Variants in ASPSCR1 observed in about 807,000 individuals in gnomAD.
ASPSCR1 encodes ASPSCR1 tether for SLC2A4, UBX domain containing, also known as tether containing UBX domain for GLUT4.
ASPSCR1 carries 55 observed loss-of-function variants against 68.9 expected under a neutral mutation model. The observed-to-expected ratio is 0.80, with a 90% CI of 0.64 to 1.00. The LOEUF (loss-of-function observed/expected upper bound fraction) is 1.00. Among genes scored for constraint, ASPSCR1 ranks in the 50% least tolerant of loss-of-function variants. The pLI is 0.00. For synonymous variants in ASPSCR1, 352 were observed against 332.6 expected (o/e 1.06, Z -0.63); for missense variants, 765 against 762.2 (o/e 1.00, Z -0.04).
Position 81,986,133 on chromosome 17 carries a change from C to T in ASPSCR1, c.374+526C>T, listed in dbSNP as rs2041985669. On this transcript the variant is annotated intron_variant, in intron 4 of 15. Coordinates refer to ENST00000306739, the MANE Select transcript of ASPSCR1 (RefSeq NM_024083.4). This position sits in a 1 kb window ranked among gnomAD's most constrained non-coding sequence, Gnocchi z 5.2. ...AATCTTCCTAATAGTAATTGGATGG[C>T]TGGGCACAGTGGCTGGGCACAGTGG... Among the ~76,000 whole-genome samples the T allele has an allele frequency of 6.6e-6, 1 of 151,030 alleles. No homozygotes were observed. The highest frequency in any genetic ancestry group is 1.5e-5 in the Non-Finnish European group (1 of 67,786).
chr17:82,000,440 C>G (rs538128259), intron 7 of ASPSCR1, among the ~76,000 whole-genome samples: 1 of 152,166 alleles, frequency 6.6e-6, no homozygotes, highest in African/African-American at 2.4e-5. Flanking sequence ...CTGCCTGCCC[C>G]GCGCCTCCCA....
At chr17:82,010,338 G>T (rs1030790948) in intron 9 of ASPSCR1, among the ~76,000 whole-genome samples, 18 of 151,316 alleles carry the variant, frequency 1.2e-4, no homozygotes, top group East Asian at 4.0e-4. Flanking sequence ...GACCATCCTG[G>T]CTGACACGGT....
At chr17:81,989,063 C>T (rs1002665978) in intron 4 of ASPSCR1, among the ~76,000 whole-genome samples, 1 of 152,136 alleles carries the variant, frequency 6.6e-6, no homozygotes. Flanking sequence ...CAAAAAGCAG[C>T]TGGGTGTGGT....
At position 81,986,173 on chromosome 17, in the gene ASPSCR1, T is replaced by C. The variant is rs1405972243; in HGVS notation, c.374+566T>C. ...GGGCACAGTGGCTGGGCAAAGTGGCTTGCACTTTGGAAGGCCGAGGCTGGC... is the reference window on the plus strand; with the variant it reads ...GGGCACAGTGGCTGGGCAAAGTGGCCTGCACTTTGGAAGGCCGAGGCTGGC... On this transcript the variant is annotated intron_variant, in intron 4 of 15. Coordinates refer to ENST00000306739, the MANE Select transcript of ASPSCR1 (RefSeq NM_024083.4). This position sits in a 1 kb window ranked among gnomAD's most constrained non-coding sequence, Gnocchi z 5.2. 6.6e-6 allele frequency among the ~76,000 whole-genome samples: 1 copy of C among 152,108 alleles called. No homozygotes were observed. Among genetic ancestry groups the C allele is most frequent in the African/African-American group, 2.4e-5 (1 of 41,426 alleles).
intron 5 of ASPSCR1, among the ~76,000 whole-genome samples, 180 bp from the exon 6 acceptor site, chr17:81,995,812 G>A (rs1010915904): frequency 6.6e-6 from 1 of 152,206 alleles, no homozygotes; most frequent in African/African-American, 2.4e-5. Context: ...CTGCAGACCA[G>A]ACTCAAGCTG....
rs1159581082 is a variant in ASPSCR1 at position 81,995,916 on chromosome 17, G to A, written c.433-76G>A. 2.1e-6 allele frequency: 3 copies of A among 1,444,726 alleles called. No individual in the cohort carries two copies. The East Asian group carries it at 7.1e-5, about 34-fold the overall frequency. The allele number at this position is 1,444,726 out of a possible 1,614,324, so 89.5% of individuals were successfully genotyped here. A position where few individuals can be genotyped will look rare whatever the true frequency, so the allele number is the denominator to read the frequency against. ...GCACGTGGCCTGTGGTCCTGGTGGT[G>A]CCGGTGCCCGGAGGGCTTCCCTGGG... On this transcript the variant is annotated intron_variant, in intron 5 of 15. Coordinates refer to ENST00000306739, the MANE Select transcript of ASPSCR1 (RefSeq NM_024083.4).
chr17:81,995,057 G>A (rs2042292655), intron 5 of ASPSCR1, 179 bp downstream of exon 5: 9 of 616,844 alleles, frequency 1.5e-5, no homozygotes, highest in Non-Finnish European at 2.4e-5. Context: ...GGGCTGCCCC[G>A]AAACCTCCCT....
rs139415779 is a variant in ASPSCR1, at chr17:82,007,098, G to A, written c.934-1939G>A. On this transcript the variant is annotated intron_variant, in intron 7 of 15. Transcript: ENST00000306739. ...CCTACTGCAGACGCCATATGTTCTCGGGGTGACTCAGGTGGCCTGGGCCCT... is the reference window on the plus strand; with the variant it reads ...CCTACTGCAGACGCCATATGTTCTCAGGGTGACTCAGGTGGCCTGGGCCCT... The A allele has an allele frequency of 4.4e-3, 673 of 152,400 alleles. 5 individuals are homozygous for A. The highest frequency in any genetic ancestry group is 6.9e-3 in the Non-Finnish European group (469 of 68,068). 9.4% of individuals were successfully genotyped at this position (152,400 alleles called of 1,614,324 possible).
Position 82,011,546 on chromosome 17 carries a change from G to C in ASPSCR1, c.1241G>C (p.Gly414Ala), listed in dbSNP as rs2042943886. The part of the protein sequence containing the change: ...QGFFRPSETV[G>A]DLRDFVRSHL... Reference sequence around the variant, plus strand: ...ATGTTCTTTTTCTCCTCTGCAGTGGGGGACTTGCGAGACTTCGTGAGGAGC... The same window carrying C: ...ATGTTCTTTTTCTCCTCTGCAGTGGCGGACTTGCGAGACTTCGTGAGGAGC... The change falls in exon 11 of 16, where the codon GGG becomes GCG. Residue 414 changes from glycine to alanine, a missense_variant. Transcript: ENST00000306739. 2 of 1,582,718 alleles carry C rather than the reference G, an allele frequency of 1.3e-6. No homozygotes were observed. Among genetic ancestry groups the C allele is most frequent in the East Asian group, 4.7e-5 (2 of 42,736 alleles).
chr17:81,982,815 T>C (rs1437297382), intron 2 of ASPSCR1: 2 of 152,070 alleles, frequency 1.3e-5, no homozygotes, highest in Non-Finnish European at 2.9e-5. Context: ...TTCTTTCCTT[T>C]CCTTTCCTTT....
At chr17:81,992,449 C>T (rs1354949690) in intron 4 of ASPSCR1, among the ~76,000 whole-genome samples, 1 of 152,202 alleles carries the variant, frequency 6.6e-6, no homozygotes, top group Non-Finnish European at 1.5e-5. Context: ...TGTGCTCTGT[C>T]CCTGTTTGTG....
At chr17:82,011,045 G>A (rs927095671) in intron 10 of ASPSCR1, among the ~76,000 whole-genome samples, 177 bp downstream of exon 10, 1 of 152,204 alleles carries the variant, frequency 6.6e-6, no homozygotes, top group African/African-American at 2.4e-5. Flanking sequence ...TTCGCAGAGT[G>A]TCAGGCAGGC....
At chr17:82,002,349 C>T in intron 7 of ASPSCR1, among the ~76,000 whole-genome samples, 1 of 150,496 alleles carries the variant, frequency 6.6e-6, no homozygotes, top group South Asian at 2.1e-4. Flanking sequence ...ACCTTCCCCT[C>T]CCAGTTCAAG....
intron 9 of ASPSCR1, 147 bp downstream of exon 9, chr17:82,009,714 C>T: frequency 1.6e-6 from 1 of 612,504 alleles, no homozygotes; most frequent in Admixed American, 3.2e-5. Flanking sequence ...GACTGAGGCA[C>T]AGCTCTGAGC....
rs62078705 is a variant in ASPSCR1 at position 82,017,394 on chromosome 17, G to C, written c.*72G>C. On this transcript the variant is annotated 3_prime_UTR_variant, in exon 16 of 16. Transcript: ENST00000306739. Reference sequence around the variant, plus strand: ...CCTCTGCCAGCAGGAATAAAGACTTGTGCATCCCTCAACGCCTTCCTGTCA... The same window carrying C: ...CCTCTGCCAGCAGGAATAAAGACTTCTGCATCCCTCAACGCCTTCCTGTCA... The C allele has an allele frequency of 1.9e-6, 3 of 1,604,806 alleles. No individual in the cohort carries two copies. The highest frequency in any genetic ancestry group is 2.7e-5 in the African/African-American group (2 of 74,800).
At chr17:81,994,788 G>C in intron 4 of ASPSCR1, 33 bp from the exon 5 acceptor site, 1 of 1,609,392 alleles carries the variant, frequency 6.2e-7, no homozygotes, top group Non-Finnish European at 8.5e-7. Context: ...AGCTGCCCTG[G>C]GGTACCTGAT....
chr17:81,991,500 G>A (rs1365994599), intron 4 of ASPSCR1, among the ~76,000 whole-genome samples: 1 of 152,214 alleles, frequency 6.6e-6, no homozygotes, highest in Admixed American at 6.5e-5. Context: ...CACACTCAGG[G>A]TGGGTCTGTG....
rs568911874 is a variant in ASPSCR1 at position 81,993,380 on chromosome 17, A to T, written c.375-1441A>T. ...AGGCGCCCGCCACCACGCCTGGCTA[A>T]TTTTTTGTATTTTTAGTAGAGACGG... On this transcript the variant is annotated intron_variant, in intron 4 of 15. Transcript: ENST00000306739. Among the ~76,000 whole-genome samples the T allele has an allele frequency of 6.8e-3, 1,031 of 152,036 alleles. 22 individuals are homozygous for T. The highest frequency in any genetic ancestry group is 5.7e-3 in the Non-Finnish European group (386 of 67,974).
rs1400563345 is a variant in ASPSCR1, at chr17:82,017,362, A to C, written c.*40A>C. The C allele has an allele frequency of 1.2e-6, 2 of 1,612,024 alleles. No homozygotes were observed. ...AGGTGCCCACTCCGCCAGCCACAGG[A>C]CCACCTCCTCTGCCAGCAGGAATAA... On this transcript the variant is annotated 3_prime_UTR_variant, in exon 16 of 16. Coordinates refer to ENST00000306739, the MANE Select transcript of ASPSCR1 (RefSeq NM_024083.4).
Sources: allele counts gnomAD v4.1 joint callset (sites outside exome capture counted in the v4.1 genomes callset), GRCh38; gene constraint gnomAD v4.1.1; non-coding constraint Gnocchi (gnomAD v3.1); transcripts MANE v1.5; gene names NCBI Gene and HGNC (gene_info 2026-07-23, HGNC 2026-07-21).